Variants in CNTNAP5 observed in about 807,000 individuals in gnomAD.
The protein encoded by CNTNAP5 is contactin associated protein family member 5.
CNTNAP5 carries 72 observed loss-of-function variants against 150.2 expected under a neutral mutation model. The ratio of observed to expected loss-of-function variants is 0.48; its 90% confidence interval spans 0.40 to 0.58. The LOEUF (loss-of-function observed/expected upper bound fraction) is 0.58, where lower values mean the gene tolerates loss of function less well. Among genes scored for constraint, CNTNAP5 ranks in the 20% least tolerant of loss-of-function variants. The probability of loss-of-function intolerance (pLI) is 0.00; values close to 1 mark genes in which losing one functional copy is unlikely to be tolerated. For synonymous variants in CNTNAP5, 672 were observed against 619.8 expected, an observed-to-expected ratio of 1.08 and a Z score of -1.25; for missense variants, 1,636 against 1,626.2, an observed-to-expected ratio of 1.01 and a Z score of -0.10.
At position 124,496,959 on chromosome 2, in the gene CNTNAP5, G is replaced by T. The variant is rs1024680229; in HGVS notation, c.1063-7333G>T. Among the ~76,000 whole-genome samples, 10 of 152,240 alleles carry T rather than the reference G, an allele frequency of 6.6e-5. No individual in the cohort carries two copies. In the East Asian group the frequency reaches 1.9e-3, roughly 29 times the overall value. ...TAACCTCAGGTCTTTTTTCAACAAAGAGTAGTCCCTTATTCTTGTTTTATT... is the reference window on the plus strand; with the variant it reads ...TAACCTCAGGTCTTTTTTCAACAAATAGTAGTCCCTTATTCTTGTTTTATT... On this transcript the variant is annotated intron_variant, in intron 7 of 23. Coordinates refer to ENST00000682447, the MANE Select transcript of CNTNAP5 (RefSeq NM_001367498.1).
chr2:124,640,175 A>C (rs549380508), intron 12 of CNTNAP5, among the ~76,000 whole-genome samples: 1 of 152,332 alleles, frequency 6.6e-6, no homozygotes, highest in East Asian at 1.9e-4. Context: ...GTGCACATAG[A>C]ATCCGTTCCA....
intron 3 of CNTNAP5, among the ~76,000 whole-genome samples, chr2:124,368,815 ATATT>A (rs1169468155): frequency 1.3e-5 from 2 of 152,136 alleles, no homozygotes; most frequent in African/African-American, 2.4e-5. Context: ...AGAACAAAAA[ATATT>A]TATTTATATA....
intron 13 of CNTNAP5, among the ~76,000 whole-genome samples, chr2:124,651,942 C>A (rs1678332093): frequency 6.6e-6 from 1 of 152,172 alleles, no homozygotes; most frequent in African/African-American, 2.4e-5. Flanking sequence ...CTCTCGGCTC[C>A]AGCAAGGGCT....
At chr2:124,354,608 G>A (rs779849834) in intron 3 of CNTNAP5, among the ~76,000 whole-genome samples, 47 of 152,138 alleles carry the variant, frequency 3.1e-4, no homozygotes, top group Non-Finnish European at 5.9e-4. Flanking sequence ...ATCTTGACGT[G>A]AGTCTCTATG....
At chr2:124,235,191 T>G (rs772894469) in intron 2 of CNTNAP5, among the ~76,000 whole-genome samples, 1 of 152,130 alleles carries the variant, frequency 6.6e-6, no homozygotes, top group Non-Finnish European at 1.5e-5. Flanking sequence ...CCTTTTGAAC[T>G]TTGTATCAAT....
chr2:124,262,172 G>GGA (rs1022609632), intron 3 of CNTNAP5, among the ~76,000 whole-genome samples: 1 of 152,144 alleles, frequency 6.6e-6, no homozygotes, highest in East Asian at 1.9e-4. Flanking sequence ...TTAAGCCCAG[G>GGA]AGGTGGAGGT....
intron 7 of CNTNAP5, among the ~76,000 whole-genome samples, chr2:124,499,652 T>C (rs563475639): frequency 2.6e-5 from 4 of 152,204 alleles, no homozygotes; most frequent in Non-Finnish European, 4.4e-5. Flanking sequence ...TTGAAATCCA[T>C]TGTACTCTCA....
intron 12 of CNTNAP5, among the ~76,000 whole-genome samples, chr2:124,611,361 T>C (rs1359629203): frequency 1.3e-5 from 2 of 152,248 alleles, no homozygotes; most frequent in African/African-American, 2.4e-5. Context: ...CAAAGTCCTA[T>C]GCTGTCTGCG....
intron 1 of CNTNAP5, among the ~76,000 whole-genome samples, chr2:124,063,421 A>T (rs1682065267): frequency 6.6e-6 from 1 of 152,160 alleles, no homozygotes; most frequent in Admixed American, 6.6e-5. Context: ...CTCTGATTTA[A>T]ATGATTTCAA....
Position 124,111,758 on chromosome 2 carries a change from C to T in CNTNAP5, c.82+86026C>T, listed in dbSNP as rs139801245. 1.5e-3 allele frequency among the ~76,000 whole-genome samples: 233 copies of T among 152,308 alleles called. 1 individual carries two copies. Among genetic ancestry groups the T allele is most frequent in the African/African-American group, 5.3e-3 (222 of 41,580 alleles). Reference sequence around the variant, plus strand: ...TTGTCTTCTTTCCGGTCCTTCTTCACGTTAATCATACAGTGGGCCTTTATT... The same window carrying T: ...TTGTCTTCTTTCCGGTCCTTCTTCATGTTAATCATACAGTGGGCCTTTATT... On this transcript the variant is annotated intron_variant, in intron 1 of 23. Coordinates refer to ENST00000682447, the MANE Select transcript of CNTNAP5 (RefSeq NM_001367498.1).
At chr2:124,096,112 C>A (rs1314916320) in intron 1 of CNTNAP5, among the ~76,000 whole-genome samples, 4 of 152,160 alleles carry the variant, frequency 2.6e-5, no homozygotes, top group Non-Finnish European at 5.9e-5. Flanking sequence ...TTTTGCTCGA[C>A]ATACACAAAC....
chr2:124,693,833 A>T (rs1051493950), intron 13 of CNTNAP5, among the ~76,000 whole-genome samples: 7 of 143,668 alleles, frequency 4.9e-5, no homozygotes, highest in Non-Finnish European at 9.3e-5. Context: ...AAAGCAAAAA[A>T]AAAAGGCAAA....
intron 13 of CNTNAP5, among the ~76,000 whole-genome samples, chr2:124,667,705 T>G (rs182714208): frequency 1.4e-3 from 211 of 152,384 alleles, no homozygotes; most frequent in Non-Finnish European, 2.3e-3. Context: ...TATGTCTTCA[T>G]TTTTTAAGCA....
intron 3 of CNTNAP5, among the ~76,000 whole-genome samples, chr2:124,349,874 CTTTTT>C (rs70996061): frequency 6.1e-5 from 5 of 81,828 alleles, no homozygotes; most frequent in African/African-American, 1.5e-4. Context: ...CTGGCTATTT[CTTTTT>C]TTTTTTTTTT....
At chr2:124,449,608 G>A (rs773689719) in intron 6 of CNTNAP5, among the ~76,000 whole-genome samples, 5 of 152,112 alleles carry the variant, frequency 3.3e-5, no homozygotes, top group African/African-American at 4.8e-5. Context: ...AATGAAATCC[G>A]ATGAAGTTGG....
intron 10 of CNTNAP5, among the ~76,000 whole-genome samples, chr2:124,541,179 A>ATTTTTTTTTGTTTTTTTTTTTTTTTTT (rs1695373872): frequency 1.2e-5 from 1 of 83,082 alleles, no homozygotes; most frequent in Non-Finnish European, 2.3e-5. Context: ...CAAAATTCCG[A>ATTTTTTTTTGTTTTTTTTTTTTTTTTT]TTTTTTTTTT....
At chr2:124,786,507 A>G (rs866060547) in intron 17 of CNTNAP5, among the ~76,000 whole-genome samples, 3 of 132,048 alleles carry the variant, frequency 2.3e-5, no homozygotes, top group South Asian at 2.6e-4. Flanking sequence ...GAGGGAAAGA[A>G]AAAGAAAGAA....
chr2:124,625,860 A>C (rs138200485), intron 12 of CNTNAP5, among the ~76,000 whole-genome samples: 1,841 of 152,278 alleles, frequency 0.012, 16 homozygotes, highest in Middle Eastern at 0.017. Context: ...TCTTACAGCA[A>C]TTTTAGCTAG....
At chr2:124,289,185 A>G (rs962830503) in intron 3 of CNTNAP5, among the ~76,000 whole-genome samples, 8 of 152,164 alleles carry the variant, frequency 5.3e-5, no homozygotes, top group Admixed American at 2.0e-4. Flanking sequence ...TCTGGTATAT[A>G]TATTTTACTT....
Sources: allele counts gnomAD v4.1 joint callset (sites outside exome capture counted in the v4.1 genomes callset), GRCh38; gene constraint gnomAD v4.1.1; transcripts MANE v1.5; gene names NCBI Gene and HGNC (gene_info 2026-07-23, HGNC 2026-07-21).